The following ACSM2B variants were observed in gnomAD, a reference collection of about 807,000 sequenced individuals.
ACSM2B encodes acyl-coenzyme A synthetase ACSM2B, mitochondrial.
Under a neutral mutation model 78.6 loss-of-function variants are expected in ACSM2B, and 58 were observed. The ratio of observed to expected loss-of-function variants is 0.74; its 90% CI spans 0.60 to 0.92. ACSM2B has a LOEUF of 0.92. Among genes scored for constraint, ACSM2B ranks in the 40% least tolerant of loss-of-function variants. The pLI is 0.00. For missense variants in ACSM2B, 688 were observed against 711.2 expected (o/e 0.97, Z 0.37); for synonymous variants, 257 against 256.8 (o/e 1.00, Z -0.01).
At chr16:20,545,110 C>T (rs372090098) in intron 10 of ACSM2B, 47 bp downstream of exon 10, 4 of 1,583,544 alleles carry the variant, frequency 2.5e-6, no homozygotes, top group African/African-American at 2.7e-5. Context: ...CCGTTTAGTG[C>T]TCCCATCCTC....
At chr16:20,574,370 T>G (rs1325825190) in intron 1 of ACSM2B, 5 of 152,072 alleles carry the variant, frequency 3.3e-5, no homozygotes, top group African/African-American at 1.2e-4. Context: ...TGTGCAATAG[T>G]AGTCCTGAGG....
At chr16:20,557,176 C>G (rs2152140380) in intron 3 of ACSM2B, among the ~76,000 whole-genome samples, 1 of 151,748 alleles carries the variant, frequency 6.6e-6, no homozygotes, top group South Asian at 2.1e-4. Flanking sequence ...ATTTCTGTCT[C>G]CATCTCAAAT....
At chr16:20,557,732 TC>T (rs2015519207) in intron 3 of ACSM2B, among the ~76,000 whole-genome samples, 1 of 152,216 alleles carries the variant, frequency 6.6e-6, no homozygotes, top group South Asian at 2.1e-4. Context: ...GCCACTACTT[TC>T]TTTTATGGCC....
intron 13 of ACSM2B, among the ~76,000 whole-genome samples, chr16:20,540,250 G>GTTT (rs71377664): frequency 3.5e-5 from 5 of 143,504 alleles, no homozygotes; most frequent in Non-Finnish European, 7.6e-5. Context: ...TGTTTGTTTG[G>GTTT]TTTTTTTTTT....
intron 1 of ACSM2B, among the ~76,000 whole-genome samples, chr16:20,570,233 A>G (rs971921598): frequency 1.3e-5 from 2 of 151,680 alleles, no homozygotes; most frequent in Non-Finnish European, 3.0e-5. Context: ...AGGTATATCC[A>G]TGGTATGCTG....
intron 9 of ACSM2B, 79 bp from the exon 10 acceptor site, chr16:20,545,337 G>T: frequency 6.6e-7 from 1 of 1,513,158 alleles, no homozygotes; most frequent in Non-Finnish European, 9.0e-7. Flanking sequence ...TGCTGAGTTG[G>T]TCAAATGAAA....
At chr16:20,547,137 C>T in intron 8 of ACSM2B, 13 of 1,023,708 alleles carry the variant, frequency 1.3e-5, no homozygotes, top group Non-Finnish European at 1.4e-5. Context: ...TCTTTTCCCG[C>T]CACCCACTGT....
intron 13 of ACSM2B, among the ~76,000 whole-genome samples, chr16:20,538,527 C>T (rs1222437965): frequency 1.3e-5 from 2 of 152,084 alleles, no homozygotes. Context: ...AAGGAAGCTA[C>T]TCTGTTTGTC....
chr16:20,540,010 C>T (rs1006571643), intron 13 of ACSM2B, among the ~76,000 whole-genome samples: 13 of 152,176 alleles, frequency 8.5e-5, no homozygotes, highest in Non-Finnish European at 4.4e-5. Flanking sequence ...CTGTCACTTG[C>T]AACTGAGCGT....
rs542035882 is a variant in ACSM2B at position 20,545,236 on chromosome 16, A to T, written c.1202T>A (p.Val401Asp). ...GTCTCCTTCTGTGCCGGGGGGCAGG[A>T]CGTTGCCCTTATCATCTATAACCTG... ...DVQVIDDKGN[V>D]LPPGTEGDIG... Residue 401 changes from valine (V) to aspartate (D), a missense_variant, in exon 10 of 14, where the codon GTC becomes GAC. Val to Asp is a radical substitution (Grantham distance 152). Coordinates refer to ENST00000329697, the MANE Select transcript of ACSM2B (RefSeq NM_001105069.2). 2.5e-6 allele frequency: 4 copies of T among 1,613,784 alleles called. No homozygotes were observed. Among genetic ancestry groups the T allele is most frequent in the Non-Finnish European group, 3.4e-6 (4 of 1,179,840 alleles).
intron 2 of ACSM2B, among the ~76,000 whole-genome samples, chr16:20,560,607 G>T (rs375536432): frequency 7.9e-5 from 12 of 151,908 alleles, no homozygotes; most frequent in African/African-American, 2.4e-4. Flanking sequence ...CCTAATCTCA[G>T]GTATTCCTTT....
At chr16:20,551,575 G>A (rs1466871324) in intron 6 of ACSM2B, among the ~76,000 whole-genome samples, 1 of 152,054 alleles carries the variant, frequency 6.6e-6, no homozygotes, top group African/African-American at 2.4e-5. Flanking sequence ...AGAGCTATGA[G>A]AAGTAAATGT....
chr16:20,543,408 G>A lies in ACSM2B; in HGVS notation c.1282-146C>T, dbSNP rs934632315. On this transcript the variant is annotated intron_variant, in intron 10 of 13. Transcript: ENST00000329697. ...AACATGGCAGACATGCCCTGAACCA[G>A]CCAACCCTAGGCCACAGGCAGAACT... The A allele has an allele frequency of 3.0e-5, 45 of 1,495,928 alleles. No homozygotes were observed. In the Admixed American group the frequency reaches 9.4e-4, roughly 31 times the overall value. The allele number at this position is 1,495,928 out of a possible 1,614,324, so 92.7% of individuals were successfully genotyped here. A position where few individuals can be genotyped will look rare whatever the true frequency, so the allele number is the denominator to read the frequency against.
intron 12 of ACSM2B, chr16:20,542,660 T>G (rs1373143386): frequency 8.1e-6 from 4 of 490,842 alleles, no homozygotes; most frequent in Non-Finnish European, 1.4e-5. Flanking sequence ...TTTAGTTTTT[T>G]GAGAAATCAC....
At chr16:20,540,856 T>G in intron 12 of ACSM2B, 83 bp from the exon 13 acceptor site, 2 of 1,554,302 alleles carry the variant, frequency 1.3e-6, no homozygotes, top group East Asian at 4.6e-5. Flanking sequence ...GCATTAAGAC[T>G]TGCATCACCC....
In ACSM2B at chr16:20,546,469, T is replaced by G. The variant is rs139236064; in HGVS notation, c.1104A>C (p.Leu368Phe). The part of the protein sequence containing the change: ...REFYGQTETG[L>F]TCMVSKTMKI... ...TCATTGTCTTGGAAACCATGCAAGT[T>G]AATCCCTGTGGAAAGAAGCAGACAG... The change falls in exon 9 of 14, where the codon TTA becomes TTC. Residue 368 changes from leucine to phenylalanine, a missense_variant. Coordinates refer to ENST00000329697, the MANE Select transcript of ACSM2B (RefSeq NM_001105069.2). 10 of 1,600,568 alleles carry G rather than the reference T, an allele frequency of 6.2e-6. No homozygotes were observed. Among genetic ancestry groups the G allele is most frequent in the Admixed American group, 1.7e-5 (1 of 58,156 alleles).
intron 13 of ACSM2B, among the ~76,000 whole-genome samples, chr16:20,537,613 C>G (rs2014880914): frequency 1.3e-5 from 2 of 152,202 alleles, no homozygotes; most frequent in African/African-American, 4.8e-5. Context: ...CATGGCACAA[C>G]AGTCAGCCAG....
At chr16:20,563,095 A>G (rs1474414569) in intron 2 of ACSM2B, among the ~76,000 whole-genome samples, 2 of 152,180 alleles carry the variant, frequency 1.3e-5, no homozygotes, top group African/African-American at 2.4e-5. Flanking sequence ...GGCAGATTTG[A>G]GAAATATCTC....
intron 3 of ACSM2B, among the ~76,000 whole-genome samples, chr16:20,556,263 C>A (rs1337878726): frequency 6.6e-6 from 1 of 152,200 alleles, no homozygotes; most frequent in Admixed American, 6.5e-5. Flanking sequence ...TTCTTCTTTA[C>A]TATTTTAATG....
Sources: allele counts gnomAD v4.1 joint callset (sites outside exome capture counted in the v4.1 genomes callset), GRCh38; gene constraint gnomAD v4.1.1; transcripts MANE v1.5; gene names NCBI Gene and HGNC (gene_info 2026-07-23, HGNC 2026-07-21).